Variants in PEAR1 observed in about 807,000 individuals in gnomAD.
PEAR1 encodes platelet endothelial aggregation receptor 1.
Under a neutral mutation model 131.2 loss-of-function variants are expected in PEAR1, and 113 were observed. The observed-to-expected ratio is 0.86, with a 90% CI of 0.74 to 1.01. The LOEUF is 1.01. Among genes scored for constraint, PEAR1 ranks in the 50% least tolerant of loss-of-function variants. The pLI is 0.00. For synonymous variants in PEAR1, 565 were observed against 523.3 expected, an observed-to-expected ratio of 1.08 and a Z score of -1.09; for missense variants, 1,408 against 1,391.1, an observed-to-expected ratio of 1.01 and a Z score of -0.19.
rs899204096 is a variant in PEAR1, at chr1:156,912,841, A to G, written c.2281A>G (p.Ile761Val). Residue 761 changes from isoleucine (I) to valine (V), a missense_variant, in exon 18 of 23, where the codon ATT (isoleucine) becomes GTT (valine). Transcript: ENST00000292357. ...TAACTCGCTGGGTGCAGTGATTGGC[A>G]TTGCAGTGCTGGGGTCCCTTGTGGT... ...AYNSLGAVIG[I>V]AVLGSLVVAL... 1 of 1,614,236 alleles carries G rather than the reference A, an allele frequency of 6.2e-7. No individual in the cohort carries two copies.
intron 1 of PEAR1, among the ~76,000 whole-genome samples, chr1:156,894,775 G>A (rs961505167): frequency 2.6e-5 from 4 of 152,160 alleles, no homozygotes; most frequent in East Asian, 1.9e-4. Context: ...CCTAGTCCCC[G>A]GGGACAGGAA....
At position 156,914,041 on chromosome 1, in the gene PEAR1, G is replaced by C; in HGVS notation, c.2903G>C (p.Arg968Pro). ...CAGTTCTGGGACAGCCAGAGGCGGC[G>C]GCAACCCCAGCCACAGAGAGACAGT... ...PPQFWDSQRRRQPQPQRDSGT... is the reference protein window; with the variant it reads ...PPQFWDSQRRPQPQPQRDSGT... The change falls in exon 22 of 23, where the codon CGG becomes CCG. Residue 968 changes from arginine (R) to proline (P), a missense_variant. Transcript: ENST00000292357. 6.2e-7 allele frequency: 1 copy of C among 1,608,508 alleles called. No homozygotes were observed.
chr1:156,907,289 G>A (rs1282696325), intron 6 of PEAR1, among the ~76,000 whole-genome samples: 1 of 152,206 alleles, frequency 6.6e-6, no homozygotes, highest in Non-Finnish European at 1.5e-5. Context: ...TTGTGGAGGC[G>A]CTCGTGGAGT....
rs1379671065 is a variant in PEAR1, at chr1:156,908,816, C to T, written c.1277C>T (p.Ala426Val). The T allele has an allele frequency of 2.5e-6, 4 of 1,606,242 alleles. No individual in the cohort carries two copies. The African/African-American group carries it at 5.3e-5, about 21-fold the overall frequency. The change falls in exon 10 of 23, where the codon GCG (alanine) becomes GTG (valine). Residue 426 changes from alanine (A) to valine (V), a missense_variant. Ala to Val is a moderately conservative substitution (Grantham distance 64). Transcript: ENST00000292357. The surrounding 1 kb of genome is among the most constrained non-coding windows in gnomAD (Gnocchi z 4.2). ...CQATSGLCQCAPGYTGPHCAS... is the reference protein window; with the variant it reads ...CQATSGLCQCVPGYTGPHCAS... ...GCTACCAGCGGCCTCTGTCAGTGCG[C>T]GCCGGGTTACACGGTGAGGCGCGCC...
chr1:156,915,031 G>C lies in PEAR1; in HGVS notation c.*233G>C. On this transcript the variant is annotated 3_prime_UTR_variant, in exon 23 of 23. Transcript: ENST00000292357. ...CAACCCACTGCTCCCAAGGCCTCCA[G>C]GGCCCTGTGTACATAAACTGGTGGG... 1 of 511,924 alleles carries C rather than the reference G, an allele frequency of 2.0e-6. No homozygotes were observed. The allele number at this position is 511,924 out of a possible 1,614,324, so 31.7% of individuals were successfully genotyped here.
At position 156,913,290 on chromosome 1, in the gene PEAR1, C is replaced by T; in HGVS notation, c.2511+8C>T. 1 of 1,602,162 alleles carries T rather than the reference C, an allele frequency of 6.2e-7. No homozygotes were observed. Among genetic ancestry groups the T allele is most frequent in the Non-Finnish European group, 8.5e-7 (1 of 1,173,790 alleles). ...CCCCCACCCCCTAACAAGGTCAGTG[C>T]CGGGGGAGGGGGTGCACTGTGGAGG... On this transcript the variant is annotated splice_region_variant and intron_variant, in intron 19 of 22. Transcript: ENST00000292357.
chr1:156,914,512 G>A, intron 22 of PEAR1, 135 bp from the exon 23 acceptor site: 1 of 839,834 alleles, frequency 1.2e-6, no homozygotes, highest in Non-Finnish European at 1.8e-6. Flanking sequence ...TAGTAAACTG[G>A]TGTATGTATC....
At chr1:156,911,037 TTTTC>T (rs71681254) in intron 15 of PEAR1, among the ~76,000 whole-genome samples, 13,133 of 113,058 alleles carry the variant, frequency 0.12, 914 homozygotes, top group Non-Finnish European at 0.15. Context: ...CTTGATTTCT[TTTTC>T]TTTCTTTCTT....
Position 156,915,452 on chromosome 1 carries a change from TGTCACTGCACGCCA to T in PEAR1, c.*660_*673del, listed in dbSNP as rs1205436508. On this transcript the variant is annotated 3_prime_UTR_variant, in exon 23 of 23. Coordinates refer to ENST00000292357, the MANE Select transcript of PEAR1 (RefSeq NM_001080471.3). The stretch of plus-strand genomic sequence containing the variant: ...CCAGCCTCACCTTGAACTGTGTTCC[TGTCACTGCACGCCA>T]GTCACACCGGCCTCTAGGTCCTCCT... 1 of 152,274 alleles carries T rather than the reference TGTCACTGCACGCCA, an allele frequency of 6.6e-6. No homozygotes were observed. The highest frequency in any genetic ancestry group is 1.9e-4 in the East Asian group (1 of 5,198). 9.4% of individuals were successfully genotyped at this position (152,274 alleles called of 1,614,324 possible).
rs1467568713 is a variant in PEAR1 at position 156,908,568 on chromosome 1, G to A, written c.1116-87G>A. The A allele has an allele frequency of 1.2e-5, 16 of 1,339,854 alleles. No individual in the cohort carries two copies. Among genetic ancestry groups the A allele is most frequent in the African/African-American group, 1.5e-5 (1 of 68,148 alleles). The allele number at this position is 1,339,854 out of a possible 1,614,324, so 83.0% of individuals were successfully genotyped here. A position where few individuals can be genotyped will look rare whatever the true frequency, so the allele number is the denominator to read the frequency against. ...TGACCCCCTTACCCCAGCGATGTGC[G>A]AATCCCACTGACCACGCGGAGGGGT... is the stretch of plus-strand genomic sequence containing the variant. On this transcript the variant is annotated intron_variant, in intron 9 of 22. Coordinates refer to ENST00000292357, the MANE Select transcript of PEAR1 (RefSeq NM_001080471.3). The surrounding 1 kb of genome is among the most constrained non-coding windows in gnomAD (Gnocchi z 4.2).
chr1:156,900,961 C>G (rs959274146), intron 1 of PEAR1, among the ~76,000 whole-genome samples: 3 of 152,162 alleles, frequency 2.0e-5, no homozygotes, highest in African/African-American at 7.2e-5. Context: ...GTGCCCTGCC[C>G]CTCAGGGACA....
At chr1:156,900,075 G>A (rs1649534322) in intron 1 of PEAR1, among the ~76,000 whole-genome samples, 1 of 152,154 alleles carries the variant, frequency 6.6e-6, no homozygotes, top group East Asian at 1.9e-4. Flanking sequence ...CCCCACCAGA[G>A]GGAACCAGCT....
rs199856465 is a variant in PEAR1 at position 156,908,878 on chromosome 1, G to A, written c.1291-38G>A. Reference sequence around the variant, plus strand: ...AAGCGAGGCAGGTGGAGAGGCCAAGGAATGGGCCGCCCCTCTCACCCGCTC... The same window carrying A: ...AAGCGAGGCAGGTGGAGAGGCCAAGAAATGGGCCGCCCCTCTCACCCGCTC... On this transcript the variant is annotated intron_variant, in intron 10 of 22. Coordinates refer to ENST00000292357, the MANE Select transcript of PEAR1 (RefSeq NM_001080471.3). This position sits in a 1 kb window ranked among gnomAD's most constrained non-coding sequence, Gnocchi z 4.2. 6.2e-7 allele frequency: 1 copy of A among 1,609,288 alleles called. No homozygotes were observed. Among genetic ancestry groups the A allele is most frequent in the Admixed American group, 1.7e-5 (1 of 59,976 alleles).
rs1489624830 is a variant in PEAR1 at position 156,911,170 on chromosome 1, CCTTTCTTTTCTTTCTTCTTTCTTT to C, written c.1951+444_1951+467del. Among the ~76,000 whole-genome samples, 175 of 95,944 alleles carry C rather than the reference CCTTTCTTTTCTTTCTTCTTTCTTT, an allele frequency of 1.8e-3. 6 individuals carry two copies. The highest frequency in any genetic ancestry group is 7.2e-3 in the African/African-American group (165 of 22,786). 62.9% of individuals were successfully genotyped at this position (95,944 alleles called of 152,430 possible). ...TTTCTTTCTTTTTCTTTCTTTCTTT[CCTTTCTTTTCTTTCTTCTTTCTTT>C]CTTTCTTTTCTTTCTTTCTTTCTTT... On this transcript the variant is annotated intron_variant, in intron 15 of 22. Coordinates refer to ENST00000292357, the MANE Select transcript of PEAR1 (RefSeq NM_001080471.3).
intron 22 of PEAR1, 45 bp from the exon 23 acceptor site, chr1:156,914,602 T>A: frequency 1.9e-6 from 3 of 1,559,522 alleles, no homozygotes; most frequent in Non-Finnish European, 2.6e-6. Context: ...GTGGGGAGAG[T>A]GGTGGGAGGA....
chr1:156,895,806 C>A (rs561813047), intron 1 of PEAR1, among the ~76,000 whole-genome samples: 1 of 152,310 alleles, frequency 6.6e-6, no homozygotes, highest in Admixed American at 6.5e-5. Context: ...AAACACCAGG[C>A]GAGGTGGCTC....
Position 156,910,052 on chromosome 1 carries a change from ACT to A in PEAR1, c.1625_1626del (p.Ser542Ter). ...TGTGCCAGTCGCTGTGACTGTGACC[ACT>A]CTGATGGCTGTGACCCTGTTCATGG... On this transcript the variant is annotated frameshift_variant, in exon 13 of 23. Transcript: ENST00000292357. LOFTEE classifies it high-confidence loss of function. 1 of 1,613,940 alleles carries A rather than the reference ACT, an allele frequency of 6.2e-7. No individual in the cohort carries two copies. The highest frequency in any genetic ancestry group is 8.5e-7 in the Non-Finnish European group (1 of 1,179,982).
chr1:156,914,870 G>C lies in PEAR1; in HGVS notation c.*72G>C. ...CTCAAGGCTGGGGACAGAGCCTAGT[G>C]TACCCCTGCCAGGAGCAGGGAGTGG... On this transcript the variant is annotated 3_prime_UTR_variant, in exon 23 of 23. Transcript: ENST00000292357. 1.3e-6 allele frequency: 2 copies of C among 1,541,854 alleles called. No homozygotes were observed. The highest frequency in any genetic ancestry group is 1.8e-6 in the Non-Finnish European group (2 of 1,133,160).
chr1:156,905,065 G>GTA, intron 3 of PEAR1: 1 of 1,246,912 alleles, frequency 8.0e-7, no homozygotes, highest in East Asian at 2.6e-5. Context: ...GCATGTTACA[G>GTA]TATATGCCTG....
Sources: gnomAD v4.1 joint callset for allele counts (sites outside exome capture counted in the v4.1 genomes callset) on GRCh38, gnomAD v4.1.1 for gene constraint, Gnocchi (gnomAD v3.1) non-coding constraint, MANE v1.5 for transcripts, NCBI Gene and HGNC (gene_info 2026-07-23, HGNC 2026-07-21) for gene names.